Variants in FSD2 observed in about 807,000 individuals in gnomAD.
FSD2 encodes fibronectin type III and SPRY domain containing 2, also known as fibronectin type III and SPRY domain-containing protein 2.
FSD2 carries 71 observed loss-of-function variants against 80.4 expected under a neutral mutation model. That is an observed-to-expected ratio of 0.88 (90% confidence interval 0.73 to 1.08). FSD2 has a LOEUF of 1.08. Among genes scored for constraint, FSD2 ranks in the 50% least tolerant of loss-of-function variants. The probability of loss-of-function intolerance (pLI) is 0.00; values close to 1 mark genes in which losing one functional copy is unlikely to be tolerated. For missense variants in FSD2, 923 were observed against 913.8 expected, an observed-to-expected ratio of 1.01 and a Z score of -0.13; for synonymous variants, 361 against 329.5, an observed-to-expected ratio of 1.10 and a Z score of -1.03.
chr15:82,769,814 A>G lies in FSD2; in HGVS notation c.1338T>C (p.Phe446=), dbSNP rs189268606. The G allele has an allele frequency of 3.1e-4, 501 of 1,613,952 alleles. No homozygotes were observed. The highest frequency in any genetic ancestry group is 4.1e-4 in the Non-Finnish European group (488 of 1,179,864). ...CAGCCCTGTTGTGAGCTGTGACCCA[A>G]AATTCATACTGGGTATTTGGCACAA... ...TNLVPNTQYE[F]WVTAHNRAGP... is the part of the protein sequence containing the mutation. Residue 446 remains phenylalanine (F), a synonymous_variant, in exon 8 of 13, where the codon TTT becomes TTC. Transcript: ENST00000334574.
intron 1 of FSD2, among the ~76,000 whole-genome samples, chr15:82,789,608 C>T (rs1362923200): frequency 6.6e-6 from 1 of 152,142 alleles, no homozygotes; most frequent in Non-Finnish European, 1.5e-5. Context: ...ATCGGTGTGG[C>T]AGCTATAAGA....
chr15:82,778,742 C>T (rs185215068), intron 6 of FSD2, 24 bp downstream of exon 6: 19 of 1,584,734 alleles, frequency 1.2e-5, no homozygotes, highest in East Asian at 2.3e-5. Context: ...GAACCTGCCG[C>T]GAAGTACACA....
intron 6 of FSD2, among the ~76,000 whole-genome samples, chr15:82,776,415 T>C (rs1220630893): frequency 2.0e-5 from 3 of 152,244 alleles, no homozygotes; most frequent in Admixed American, 6.5e-5. Flanking sequence ...TTGGGAAGAA[T>C]GTGTATTCTG....
In FSD2 at chr15:82,765,207, G is replaced by C; in HGVS notation, c.1779C>G (p.Thr593=). Residue 593 remains threonine (T), a synonymous_variant, in exon 11 of 13, where the codon ACC becomes ACG. Transcript: ENST00000334574. ...CGCTGGGTGACAGCTCCCTGGCGGGGGTTCTCCTTTCACTTCGTACAGCCG... is the reference window on the plus strand; with the variant it reads ...CGCTGGGTGACAGCTCCCTGGCGGGCGTTCTCCTTTCACTTCGTACAGCCG... The part of the protein sequence containing the change: ...GLTAVRSERR[T]PARELSPSDT... 1 of 1,608,466 alleles carries C rather than the reference G, an allele frequency of 6.2e-7. No individual in the cohort carries two copies. The highest frequency in any genetic ancestry group is 1.1e-5 in the South Asian group (1 of 90,368).
intron 1 of FSD2, among the ~76,000 whole-genome samples, chr15:82,801,642 G>A (rs1359068443): frequency 1.3e-5 from 2 of 152,158 alleles, no homozygotes; most frequent in Non-Finnish European, 2.9e-5. Context: ...CCAATGCCAT[G>A]TATGTTATTG....
At chr15:82,785,526 G>T (rs1262147346) in intron 3 of FSD2, among the ~76,000 whole-genome samples, 1 of 152,010 alleles carries the variant, frequency 6.6e-6, no homozygotes, top group African/African-American at 2.4e-5. Context: ...ATTTCACCAT[G>T]TTGGCCAGTC....
chr15:82,762,089 G>T lies in FSD2; in HGVS notation c.1997+13C>A. 1.3e-6 allele frequency: 2 copies of T among 1,563,184 alleles called. No homozygotes were observed. The highest frequency in any genetic ancestry group is 1.7e-6 in the Non-Finnish European group (2 of 1,154,448). On this transcript the variant is annotated intron_variant, in intron 12 of 12. Transcript: ENST00000334574. ...AGCAAATTTTAATTGTGAGTATCCA[G>T]ATTTTACTTTACCTTGATGATGCAA...
intron 4 of FSD2, among the ~76,000 whole-genome samples, chr15:82,782,560 C>G (rs2049892362): frequency 6.6e-6 from 1 of 152,184 alleles, no homozygotes; most frequent in South Asian, 2.1e-4. Context: ...GGGAGAGAGT[C>G]TGCGCTGTGA....
chr15:82,785,300 ATTAT>A (rs10635621), intron 3 of FSD2, among the ~76,000 whole-genome samples: 4,658 of 146,968 alleles, frequency 0.032, 233 homozygotes, highest in African/African-American at 0.1. Flanking sequence ...AAGGCAATAC[ATTAT>A]TTATTTATTT....
chr15:82,763,758 T>C (rs2049343451), intron 11 of FSD2, among the ~76,000 whole-genome samples: 1 of 152,320 alleles, frequency 6.6e-6, no homozygotes, highest in African/African-American at 2.4e-5. Flanking sequence ...AAATGTAATC[T>C]GATCTTGTTC....
chr15:82,778,706 A>C, intron 6 of FSD2, 60 bp downstream of exon 6: 1 of 1,522,516 alleles, frequency 6.6e-7, no homozygotes, highest in Non-Finnish European at 8.8e-7. Flanking sequence ...TCTCATCACA[A>C]GAAAGAAAAA....
intron 7 of FSD2, among the ~76,000 whole-genome samples, chr15:82,771,306 T>A (rs920328707): frequency 6.6e-6 from 1 of 152,230 alleles, no homozygotes; most frequent in Non-Finnish European, 1.5e-5. Flanking sequence ...AATGGAGATC[T>A]CTAAGTCTCT....
intron 6 of FSD2, among the ~76,000 whole-genome samples, chr15:82,775,253 C>T (rs12909628): frequency 0.13 from 20,148 of 151,544 alleles, 1,490 homozygotes; most frequent in Non-Finnish European, 0.17. Context: ...AAAAAATTAG[C>T]CAGGCATGGT....
chr15:82,784,973 A>G (rs559915684), intron 3 of FSD2, among the ~76,000 whole-genome samples: 9 of 152,296 alleles, frequency 5.9e-5, no homozygotes, highest in South Asian at 2.1e-4. Flanking sequence ...TGAGAAATAG[A>G]TATCAGCTGA....
At chr15:82,784,407 A>G (rs1173443754) in intron 3 of FSD2, among the ~76,000 whole-genome samples, 5 of 151,714 alleles carry the variant, frequency 3.3e-5, no homozygotes, top group South Asian at 2.1e-4. Context: ...ACCAAGCCCA[A>G]CTAATTTTTT....
chr15:82,797,020 T>TAAAAAAAAAAAAAAAA (rs11286584), intron 1 of FSD2, among the ~76,000 whole-genome samples: 2 of 97,378 alleles, frequency 2.1e-5, no homozygotes, highest in Non-Finnish European at 2.2e-5. Context: ...GCTTGGTAAT[T>TAAAAAAAAAAAAAAAA]AAAAAAAAAA....
At position 82,769,883 on chromosome 15, in the gene FSD2, C is replaced by T. The variant is rs1320729144; in HGVS notation, c.1269G>A (p.Glu423=). 6.2e-7 allele frequency: 1 copy of T among 1,612,946 alleles called. No homozygotes were observed. Among genetic ancestry groups the T allele is most frequent in the Non-Finnish European group, 8.5e-7 (1 of 1,179,460 alleles). ...QDSSPGTDQA[E]FTVTVKETYC... ...ATGTTTCTTTGACAGTCACTGTAAA[C>T]TCTGGGGAAAAAAAAAGATAAGAAT... is the stretch of plus-strand genomic sequence containing the variant. Residue 423 remains glutamate (E), a splice_region_variant and synonymous_variant, in exon 8 of 13, where the codon GAG becomes GAA. Coordinates refer to ENST00000334574, the MANE Select transcript of FSD2 (RefSeq NM_001007122.4).
chr15:82,775,435 C>T (rs866825271), intron 6 of FSD2, among the ~76,000 whole-genome samples: 1 of 151,908 alleles, frequency 6.6e-6, no homozygotes, highest in African/African-American at 2.4e-5. Context: ...CAAACAGAGG[C>T]AATTTCCCTT....
At chr15:82,796,479 C>T (rs4779064) in intron 1 of FSD2, 22,436 of 153,804 alleles carry the variant, frequency 0.15, 1,831 homozygotes, top group Non-Finnish European at 0.18. Context: ...GGAGAACCAA[C>T]GGAAAGTGGT....
Sources: gnomAD v4.1 joint callset for allele counts (sites outside exome capture counted in the v4.1 genomes callset) on GRCh38, gnomAD v4.1.1 for gene constraint, MANE v1.5 for transcripts, NCBI Gene and HGNC (gene_info 2026-07-23, HGNC 2026-07-21) for gene names.